The following KIF26B variants were observed in gnomAD, a reference collection of about 807,000 sequenced individuals.
KIF26B encodes kinesin-like protein KIF26B.
A neutral mutation model predicts 151.2 loss-of-function variants in KIF26B; 63 were observed. The observed-to-expected ratio is 0.42, with a 90% CI of 0.34 to 0.51. KIF26B has a LOEUF of 0.51. Ranked by LOEUF, KIF26B falls within the 20% of genes least tolerant of loss-of-function variation. The pLI is 0.07. For missense variants in KIF26B, 2,813 were observed against 2,913.6 expected (o/e 0.97, Z 0.79); for synonymous variants, 1,357 against 1,262.1 (o/e 1.08, Z -1.59).
chr1:245,247,881 C>T (rs1228714146), intron 2 of KIF26B, among the ~76,000 whole-genome samples: 3 of 152,146 alleles, frequency 2.0e-5, no homozygotes, highest in Non-Finnish European at 4.4e-5. Context: ...TTCTTTTGCT[C>T]TCTGTACCTT....
Position 245,690,744 on chromosome 1 carries a change from G to T in KIF26B, c.5824+1937G>T, listed in dbSNP as rs577840413. 6.6e-5 allele frequency among the ~76,000 whole-genome samples: 10 copies of T among 151,838 alleles called. 1 individual carries two copies. The East Asian group carries it at 9.7e-4, about 15-fold the overall frequency. On this transcript the variant is annotated intron_variant, in intron 12 of 14. Transcript: ENST00000407071. ...ACCTTGACATCTTTATTTGCCTGGG[G>T]GGGGGGTATGCTTCAGTCTTTGATA...
chr1:245,358,175 G>C lies in KIF26B; in HGVS notation c.466-8659G>C, dbSNP rs754797479. ...CCACCTCAGTTTCCCAAAGTGTGGG[G>C]ATTACAGGCGTGAGCCACCATACCC... is the stretch of plus-strand genomic sequence containing the variant. On this transcript the variant is annotated intron_variant, in intron 2 of 14. Coordinates refer to ENST00000407071, the MANE Select transcript of KIF26B (RefSeq NM_018012.4). This position sits in a 1 kb window ranked among gnomAD's most constrained non-coding sequence, Gnocchi z 4.1. 6.6e-6 allele frequency among the ~76,000 whole-genome samples: 1 copy of C among 152,166 alleles called. No individual in the cohort carries two copies. Among genetic ancestry groups the C allele is most frequent in the Non-Finnish European group, 1.5e-5 (1 of 68,022 alleles).
chr1:245,657,837 TTGTAAGATG>T (rs1295650227), intron 10 of KIF26B, among the ~76,000 whole-genome samples: 4 of 152,342 alleles, frequency 2.6e-5, no homozygotes, highest in African/African-American at 9.6e-5. Flanking sequence ...CATGTTTTGA[TTGTAAGATG>T]TGTTGCATAT....
At chr1:245,284,029 G>A (rs917846052) in intron 2 of KIF26B, among the ~76,000 whole-genome samples, 3 of 152,262 alleles carry the variant, frequency 2.0e-5, no homozygotes, top group East Asian at 1.9e-4. Flanking sequence ...TACGCAATGC[G>A]GCTTCCCTCA....
At chr1:245,436,195 T>C (rs1480401693) in intron 4 of KIF26B, among the ~76,000 whole-genome samples, 2 of 146,484 alleles carry the variant, frequency 1.4e-5, no homozygotes, top group Non-Finnish European at 3.0e-5. Flanking sequence ...AAAAAAAGAG[T>C]TTTCTTCTAA....
chr1:245,322,299 T>C (rs1051845716), intron 2 of KIF26B, among the ~76,000 whole-genome samples: 1 of 152,152 alleles, frequency 6.6e-6, no homozygotes, highest in African/African-American at 2.4e-5. Flanking sequence ...GATGACGGGT[T>C]GATAGGTGCA....
intron 2 of KIF26B, among the ~76,000 whole-genome samples, chr1:245,343,574 G>A (rs1672380360): frequency 6.6e-6 from 1 of 152,158 alleles, no homozygotes; most frequent in Admixed American, 6.5e-5. Context: ...GTAGGTTATA[G>A]GTAGGAGTCA....
At chr1:245,510,603 T>TCTCTCTTCCCCTCTCTCC (rs1660812345) in intron 4 of KIF26B, among the ~76,000 whole-genome samples, 1 of 151,362 alleles carries the variant, frequency 6.6e-6, no homozygotes, top group Non-Finnish European at 1.5e-5. Flanking sequence ...TCTCTCTCTC[T>TCTCTCTTCCCCTCTCTCC]CTCTCTCTCT....
At chr1:245,341,322 T>G (rs1423985923) in intron 2 of KIF26B, among the ~76,000 whole-genome samples, 8 of 76,738 alleles carry the variant, frequency 1.0e-4, no homozygotes, top group African/African-American at 4.5e-4. Flanking sequence ...TTTTTTTTTT[T>G]TTTTTTTTTT....
At chr1:245,701,753 C>T (rs1182544104) in intron 14 of KIF26B, among the ~76,000 whole-genome samples, 1 of 152,202 alleles carries the variant, frequency 6.6e-6, no homozygotes, top group Non-Finnish European at 1.5e-5. Flanking sequence ...CTCGTCTCTT[C>T]AGAGCTTGTC....
At chr1:245,280,603 T>C (rs1558373241) in intron 2 of KIF26B, among the ~76,000 whole-genome samples, 1 of 146,168 alleles carries the variant, frequency 6.8e-6, no homozygotes, top group African/African-American at 2.5e-5. Flanking sequence ...TTTCGTTTTT[T>C]TTTTTTTTTT....
At chr1:245,481,238 C>A (rs1385227130) in intron 4 of KIF26B, among the ~76,000 whole-genome samples, 2 of 151,778 alleles carry the variant, frequency 1.3e-5, no homozygotes, top group Non-Finnish European at 2.9e-5. Context: ...CAAGAACTGG[C>A]AAAGGGCCTC....
chr1:245,487,564 A>G (rs74226494), intron 4 of KIF26B, among the ~76,000 whole-genome samples: 16,242 of 152,146 alleles, frequency 0.11, 1,069 homozygotes, highest in Middle Eastern at 0.18. Context: ...GAGTTAAAGG[A>G]AAGGTAGTCT....
intron 3 of KIF26B, among the ~76,000 whole-genome samples, chr1:245,385,092 G>C (rs1049750420): frequency 7.2e-5 from 11 of 152,254 alleles, no homozygotes; most frequent in African/African-American, 2.6e-4. Flanking sequence ...GCATCTCTGA[G>C]AATAGGTGGG....
chr1:245,362,852 A>C (rs1207856177), intron 2 of KIF26B, among the ~76,000 whole-genome samples: 1 of 152,210 alleles, frequency 6.6e-6, no homozygotes, highest in African/African-American at 2.4e-5. Flanking sequence ...GAAAGATAAG[A>C]GTGTTCTAAG....
chr1:245,256,690 G>T (rs115123329), intron 2 of KIF26B, among the ~76,000 whole-genome samples: 2 of 152,130 alleles, frequency 1.3e-5, no homozygotes, highest in African/African-American at 4.8e-5. Context: ...GCTGTGGGAC[G>T]TGCCTCCATT....
chr1:245,577,752 C>T (rs1572137528), intron 5 of KIF26B, among the ~76,000 whole-genome samples: 1 of 131,108 alleles, frequency 7.6e-6, no homozygotes. Context: ...CATCTCCTCA[C>T]CGGAAGAGCT....
At chr1:245,657,309 T>A (rs1170241782) in intron 10 of KIF26B, among the ~76,000 whole-genome samples, 2 of 152,220 alleles carry the variant, frequency 1.3e-5, no homozygotes, top group East Asian at 3.8e-4. Context: ...CGAGACCTTG[T>A]CACCCCTGAG....
chr1:245,457,097 G>A (rs771814925), intron 4 of KIF26B, among the ~76,000 whole-genome samples: 16 of 152,136 alleles, frequency 1.1e-4, no homozygotes, highest in Non-Finnish European at 4.4e-5. Context: ...AACTCCTGAC[G>A]TCAGGTGATC....
Sources: gnomAD v4.1 joint callset for allele counts (sites outside exome capture counted in the v4.1 genomes callset) on GRCh38, gnomAD v4.1.1 for gene constraint, Gnocchi (gnomAD v3.1) non-coding constraint, MANE v1.5 for transcripts, NCBI Gene and HGNC (gene_info 2026-07-23, HGNC 2026-07-21) for gene names.